Variants in NAALADL2 observed in about 807,000 individuals in gnomAD.
NAALADL2 encodes the protein N-acetylated alpha-linked acidic dipeptidase like 2.
In NAALADL2, 76 loss-of-function variants were observed where a neutral mutation model predicts 87.2. The ratio of observed to expected loss-of-function variants is 0.87; its 90% CI spans 0.72 to 1.05. The LOEUF is 1.05. Ranked by LOEUF, NAALADL2 falls within the 50% of genes least tolerant of loss-of-function variation. The pLI, the probability that NAALADL2 is intolerant of heterozygous loss-of-function variation, is 0.00. For synonymous variants in NAALADL2, 354 were observed against 331.0 expected (o/e 1.07, Z -0.75); for missense variants, 1,089 against 945.8 (o/e 1.15, Z -1.99).
chr3:175,401,803 G>A (rs940419742), intron 5 of NAALADL2, among the ~76,000 whole-genome samples: 1 of 152,072 alleles, frequency 6.6e-6, no homozygotes, highest in African/African-American at 2.4e-5. Flanking sequence ...TTCAGTCTGA[G>A]ACACAACTGA....
chr3:174,521,141 G>T (rs1720254676), intron 1 of NAALADL2, among the ~76,000 whole-genome samples: 1 of 152,126 alleles, frequency 6.6e-6, no homozygotes, highest in Non-Finnish European at 1.5e-5. Context: ...ATTTAATTCA[G>T]CAATCCCACT....
At chr3:175,070,868 T>C (rs1715503979) in intron 1 of NAALADL2, among the ~76,000 whole-genome samples, 1 of 152,062 alleles carries the variant, frequency 6.6e-6, no homozygotes, top group African/African-American at 2.4e-5. Flanking sequence ...ATTTTGTATG[T>C]GAGTGAATAA....
chr3:175,458,347 T>C (rs1234673561), intron 6 of NAALADL2, among the ~76,000 whole-genome samples: 1 of 151,506 alleles, frequency 6.6e-6, no homozygotes, highest in Non-Finnish European at 1.5e-5. Flanking sequence ...GATTTATATC[T>C]GTATTTACTT....
intron 9 of NAALADL2, among the ~76,000 whole-genome samples, chr3:175,485,532 G>C (rs1045061704): frequency 3.3e-5 from 5 of 152,164 alleles, no homozygotes; most frequent in African/African-American, 1.2e-4. Context: ...CTGCAGGTCT[G>C]AGAGCCTCTG....
intron 4 of NAALADL2, among the ~76,000 whole-genome samples, chr3:175,323,355 G>A (rs1341606335): frequency 4.3e-5 from 5 of 115,290 alleles, no homozygotes; most frequent in African/African-American, 1.6e-4. Context: ...GGGGGAGGGG[G>A]GAGGGATAGC....
chr3:174,627,639 G>T (rs892293645), intron 2 of NAALADL2, among the ~76,000 whole-genome samples: 1 of 152,180 alleles, frequency 6.6e-6, no homozygotes, highest in Non-Finnish European at 1.5e-5. Flanking sequence ...ACCTGCACGT[G>T]TATGTTTTTT....
rs752665150 is a variant in NAALADL2, at chr3:175,803,098, C to T, written c.2283C>T (p.Thr761=). The change falls in exon 14 of 14, where the codon ACC becomes ACT. Residue 761 remains threonine, a synonymous_variant. Coordinates refer to ENST00000454872, the MANE Select transcript of NAALADL2 (RefSeq NM_207015.3). The part of the protein sequence containing the change: ...EHCKPLASNE[T]LQEALSEVLN... ...GCAAACCCCTTGCATCAAATGAGAC[C>T]CTTCAAGAAGCCCTGTCAGAGGTGT... 1 of 1,612,252 alleles carries T rather than the reference C, an allele frequency of 6.2e-7. No homozygotes were observed. Among genetic ancestry groups the T allele is most frequent in the Admixed American group, 1.7e-5 (1 of 59,754 alleles).
At chr3:175,217,942 CTA>C in intron 2 of NAALADL2, 1 of 218,348 alleles carries the variant, frequency 4.6e-6, no homozygotes, top group South Asian at 5.6e-5. Context: ...ATGACAGTGA[CTA>C]TCAAATAAAG....
intron 11 of NAALADL2, chr3:175,718,194 G>GTTTTTTTT: frequency 9.7e-7 from 1 of 1,034,870 alleles, no homozygotes; most frequent in Non-Finnish European, 1.3e-6. Context: ...AAGGGCCTGT[G>GTTTTTTTT]GTTTTTTTTT....
intron 1 of NAALADL2, among the ~76,000 whole-genome samples, chr3:174,892,690 G>A (rs954673472): frequency 6.6e-6 from 1 of 152,010 alleles, no homozygotes; most frequent in Non-Finnish European, 1.5e-5. Context: ...TAGGAAGGTC[G>A]AGGTGGGTGG....
chr3:175,433,207 T>C (rs1340330352), intron 5 of NAALADL2, among the ~76,000 whole-genome samples: 2 of 151,704 alleles, frequency 1.3e-5, no homozygotes, highest in Admixed American at 1.3e-4. Context: ...CTTGGACTCT[T>C]TTTCTTTTCC....
chr3:175,774,582 T>A (rs1482472430), intron 13 of NAALADL2, among the ~76,000 whole-genome samples: 3 of 151,584 alleles, frequency 2.0e-5, no homozygotes, highest in Admixed American at 6.6e-5. Context: ...AAAAAAAAAA[T>A]AATTCTAAAT....
At chr3:174,664,911 C>T (rs1725827945) in intron 2 of NAALADL2, among the ~76,000 whole-genome samples, 1 of 152,242 alleles carries the variant, frequency 6.6e-6, no homozygotes, top group Non-Finnish European at 1.5e-5. Context: ...GGTCTTCATT[C>T]TGTCTTTCAA....
At chr3:175,064,053 G>A (rs1714077138) in intron 1 of NAALADL2, among the ~76,000 whole-genome samples, 1 of 151,956 alleles carries the variant, frequency 6.6e-6, no homozygotes, top group Non-Finnish European at 1.5e-5. Context: ...TGTATACCCA[G>A]GAACCAGGTT....
intron 11 of NAALADL2, among the ~76,000 whole-genome samples, chr3:175,665,803 T>C (rs1486486723): frequency 2.0e-5 from 3 of 151,976 alleles, no homozygotes; most frequent in Non-Finnish European, 4.4e-5. Flanking sequence ...TGGTGGTGCA[T>C]GCCTGTAGTC....
At chr3:174,775,316 C>G (rs1715075889) in intron 3 of NAALADL2, among the ~76,000 whole-genome samples, 1 of 151,858 alleles carries the variant, frequency 6.6e-6, no homozygotes, top group African/African-American at 2.4e-5. Context: ...TAACTCTAGC[C>G]TCTGCAAACC....
chr3:174,654,175 A>G (rs1724669846), intron 2 of NAALADL2, among the ~76,000 whole-genome samples: 1 of 151,886 alleles, frequency 6.6e-6, no homozygotes, highest in African/African-American at 2.4e-5. Context: ...AAAGTGGTCA[A>G]ACCCATTTAT....
intron 1 of NAALADL2, among the ~76,000 whole-genome samples, chr3:174,905,462 A>G (rs573877554): frequency 1.3e-5 from 2 of 152,124 alleles, no homozygotes; most frequent in African/African-American, 4.8e-5. Flanking sequence ...TTAAATTGGC[A>G]TCAGTTTGGT....
intron 11 of NAALADL2, among the ~76,000 whole-genome samples, chr3:175,716,690 T>C (rs1444497049): frequency 6.6e-6 from 1 of 152,114 alleles, no homozygotes; most frequent in East Asian, 1.9e-4. Context: ...GACCAGATTG[T>C]TATAGGCCTC....
Sources: allele counts gnomAD v4.1 joint callset (sites outside exome capture counted in the v4.1 genomes callset), GRCh38; gene constraint gnomAD v4.1.1; transcripts MANE v1.5; gene names NCBI Gene and HGNC (gene_info 2026-07-23, HGNC 2026-07-21).